Variants in SAMD3 observed in about 807,000 individuals in gnomAD.
SAMD3 encodes the protein sterile alpha motif domain-containing protein 3.
Under a neutral mutation model 58.5 loss-of-function variants are expected in SAMD3, and 63 were observed. The ratio of observed to expected loss-of-function variants is 1.08; its 90% CI spans 0.88 to 1.33. The LOEUF is 1.33. Among genes scored for constraint, SAMD3 ranks in the 40% most tolerant of loss-of-function variants. The pLI is 0.00. For synonymous variants in SAMD3, 220 were observed against 210.3 expected (o/e 1.05, Z -0.40); for missense variants, 604 against 608.4 (o/e 0.99, Z 0.08).
intron 1 of SAMD3, among the ~76,000 whole-genome samples, chr6:130,340,537 T>G (rs575059040): frequency 1.3e-5 from 2 of 152,340 alleles, no homozygotes; most frequent in East Asian, 3.9e-4. Flanking sequence ...CTATACAACA[T>G]GACATAGTCA....
At chr6:130,237,718 A>T (rs1351284117) in intron 2 of SAMD3, among the ~76,000 whole-genome samples, 1 of 152,172 alleles carries the variant, frequency 6.6e-6, no homozygotes, top group African/African-American at 2.4e-5. Context: ...TTACCAACTC[A>T]AACTACTCGT....
chr6:130,228,599 A>G (rs1001744323), intron 2 of SAMD3, among the ~76,000 whole-genome samples: 3 of 152,322 alleles, frequency 2.0e-5, no homozygotes. Context: ...TGTGGTTCCA[A>G]TGTGCAGTCA....
rs9388779 is a variant in SAMD3 at position 130,269,178 on chromosome 6, A to G, written c.-188+43800T>C. On this transcript the variant is annotated intron_variant, in intron 2 of 13. Transcript: ENST00000368134. Reference sequence around the variant, plus strand: ...GGTTCTTTTATTTTTTTGCCTATATACGTTCAATTGCTCCAGCACCATTTG... The same window carrying G: ...GGTTCTTTTATTTTTTTGCCTATATGCGTTCAATTGCTCCAGCACCATTTG... Among the ~76,000 whole-genome samples the G allele has an allele frequency of 4.1e-4, 62 of 152,248 alleles. No individual in the cohort carries two copies. The East Asian group carries it at 8.1e-3, about 20-fold the overall frequency.
At chr6:130,319,510 AAAAAC>A (rs1167149499) in intron 1 of SAMD3, among the ~76,000 whole-genome samples, 1 of 152,202 alleles carries the variant, frequency 6.6e-6, no homozygotes, top group Non-Finnish European at 1.5e-5. Context: ...CTGAAAAAAC[AAAAAC>A]AAAACTTTCA....
In SAMD3 at chr6:130,144,420, T is replaced by G. The variant is rs1199248106; in HGVS notation, c.*100A>C. 4.5e-6 allele frequency: 5 copies of G among 1,109,696 alleles called. No homozygotes were observed. Among genetic ancestry groups the G allele is most frequent in the Non-Finnish European group, 6.4e-6 (5 of 778,268 alleles). 68.7% of individuals were successfully genotyped at this position (1,109,696 alleles called of 1,614,324 possible). A position where few individuals can be genotyped will look rare whatever the true frequency, so the allele number is the denominator to read the frequency against. On this transcript the variant is annotated 3_prime_UTR_variant, in exon 12 of 12. Coordinates refer to ENST00000439090, the MANE Select transcript of SAMD3 (RefSeq NM_001017373.4). ...TTAGCATCTATAAATACAAGATGAT[T>G]TTCTCATACCTACCTCTACCACAAC...
intron 2 of SAMD3, among the ~76,000 whole-genome samples, chr6:130,267,173 A>T (rs1417942284): frequency 1.3e-5 from 2 of 152,212 alleles, no homozygotes; most frequent in Non-Finnish European, 1.5e-5. Context: ...ATAGTTAAAG[A>T]TATAACAAAA....
chr6:130,258,426 G>A (rs1343202542), intron 2 of SAMD3, among the ~76,000 whole-genome samples: 1 of 152,060 alleles, frequency 6.6e-6, no homozygotes, highest in Non-Finnish European at 1.5e-5. Context: ...GCTAATTGTT[G>A]TCCATTTGTC....
chr6:130,289,828 AGAAGACCTAG>A (rs1276437605), intron 2 of SAMD3, among the ~76,000 whole-genome samples: 2 of 152,200 alleles, frequency 1.3e-5, no homozygotes, highest in Non-Finnish European at 2.9e-5. Context: ...CCATGTAGTC[AGAAGACCTAG>A]GTAGGTGATG....
At chr6:130,313,747 C>T (rs547431516) in intron 1 of SAMD3, among the ~76,000 whole-genome samples, 2 of 152,184 alleles carry the variant, frequency 1.3e-5, no homozygotes, top group Non-Finnish European at 2.9e-5. Context: ...GTCTATCCTC[C>T]AGTTGGCAGC....
At chr6:130,162,049 T>G in intron 8 of SAMD3, 20 of 492,536 alleles carry the variant, frequency 4.1e-5, no homozygotes, top group Non-Finnish European at 4.3e-5. Flanking sequence ...GACTCACCTT[T>G]GAGATGTGTG....
chr6:130,335,728 G>T (rs537150593), intron 1 of SAMD3, among the ~76,000 whole-genome samples: 5 of 152,136 alleles, frequency 3.3e-5, no homozygotes, highest in African/African-American at 9.6e-5. Flanking sequence ...TGTTTATTGC[G>T]GCTCTATTCA....
chr6:130,338,875 G>A (rs1361027326), intron 1 of SAMD3, among the ~76,000 whole-genome samples: 1 of 152,170 alleles, frequency 6.6e-6, no homozygotes. Context: ...TGTCTCAGAT[G>A]AGACTTTGGA....
intron 1 of SAMD3, among the ~76,000 whole-genome samples, chr6:130,349,288 G>A (rs1446872760): frequency 6.6e-6 from 1 of 152,142 alleles, no homozygotes; most frequent in Non-Finnish European, 1.5e-5. Flanking sequence ...ATGAATCCAG[G>A]AGATGGTTTT....
At chr6:130,354,962 C>T (rs1386649507) in intron 1 of SAMD3, among the ~76,000 whole-genome samples, 1 of 152,162 alleles carries the variant, frequency 6.6e-6, no homozygotes, top group Non-Finnish European at 1.5e-5. Flanking sequence ...GCCACACTCC[C>T]CTTGGGAAAT....
At chr6:130,171,105 T>C (rs1791208380) in intron 8 of SAMD3, among the ~76,000 whole-genome samples, 1 of 152,130 alleles carries the variant, frequency 6.6e-6, no homozygotes, top group African/African-American at 2.4e-5. Context: ...TATTTTGAGA[T>C]ATGTTCCATC....
intron 1 of SAMD3, among the ~76,000 whole-genome samples, chr6:130,355,411 G>T (rs191150341): frequency 6.6e-6 from 1 of 152,110 alleles, no homozygotes; most frequent in South Asian, 2.1e-4. Context: ...GTGACAGAGT[G>T]AGACTCTGTC....
chr6:130,162,936 A>G (rs749473558), intron 8 of SAMD3, among the ~76,000 whole-genome samples: 4 of 152,088 alleles, frequency 2.6e-5, no homozygotes, highest in Non-Finnish European at 5.9e-5. Flanking sequence ...AACAAATTTA[A>G]TTGTCATTTT....
chr6:130,162,727 G>T (rs1050159612), intron 8 of SAMD3, among the ~76,000 whole-genome samples: 9 of 152,156 alleles, frequency 5.9e-5, no homozygotes, highest in African/African-American at 2.2e-4. Flanking sequence ...ATTGTGGACT[G>T]TAGCTTCTGA....
chr6:130,329,631 A>T (rs1179917360), intron 1 of SAMD3, among the ~76,000 whole-genome samples: 2 of 152,146 alleles, frequency 1.3e-5, no homozygotes, highest in African/African-American at 4.8e-5. Context: ...TTTACTGCAG[A>T]ACTATTTACA....
Sources: allele counts gnomAD v4.1 joint callset (sites outside exome capture counted in the v4.1 genomes callset), GRCh38; gene constraint gnomAD v4.1.1; transcripts MANE v1.5; gene names NCBI Gene and HGNC (gene_info 2026-07-23, HGNC 2026-07-21).